Variants in BCAS3 observed in about 807,000 individuals in gnomAD.
The protein encoded by BCAS3 is BCAS4/BCAS3 fusion.
In BCAS3, 53 loss-of-function variants were observed where a neutral mutation model predicts 116.1. The ratio of observed to expected loss-of-function variants is 0.46; its 90% CI spans 0.37 to 0.57. The LOEUF is 0.57. BCAS3 is among the 20% of genes least tolerant of loss of function. The pLI, the probability that BCAS3 is intolerant of heterozygous loss-of-function variation, is 0.00. For synonymous variants in BCAS3, 391 were observed against 408.2 expected, an observed-to-expected ratio of 0.96 and a Z score of 0.51; for missense variants, 917 against 1,165.4, an observed-to-expected ratio of 0.79 and a Z score of 3.10.
At chr17:61,039,862 A>G (rs946282018) in intron 18 of BCAS3, among the ~76,000 whole-genome samples, 1 of 152,208 alleles carries the variant, frequency 6.6e-6, no homozygotes, top group African/African-American at 2.4e-5. Context: ...CCGAAAATAG[A>G]GAGTAACATT....
Position 60,941,840 on chromosome 17 carries a change from T to G in BCAS3, c.1088-5379T>G, listed in dbSNP as rs75459336. Among the ~76,000 whole-genome samples, 1,372 of 152,336 alleles carry G rather than the reference T, an allele frequency of 9.0e-3. 25 individuals are homozygous for G. The highest frequency in any genetic ancestry group is 0.032 in the African/African-American group (1,314 of 41,582). On this transcript the variant is annotated intron_variant, in intron 13 of 23. Coordinates refer to ENST00000407086, the MANE Select transcript of BCAS3 (RefSeq NM_017679.5). ...AGTCTTGATTTGGCAAATGAGGACC[T>G]TTATTTGAATGCTCATTCTACATAA...
rs78520532 is a variant in BCAS3, at chr17:61,169,795, G to T, written c.2425+85231G>T. Reference sequence around the variant, plus strand: ...ATGGGACCATTTTTACTTATCTCATGTAAAATAGATTTTGATCCAATTTCT... The same window carrying T: ...ATGGGACCATTTTTACTTATCTCATTTAAAATAGATTTTGATCCAATTTCT... On this transcript the variant is annotated intron_variant, in intron 22 of 23. Coordinates refer to ENST00000407086, the MANE Select transcript of BCAS3 (RefSeq NM_017679.5). Among the ~76,000 whole-genome samples, 428 of 152,258 alleles carry T rather than the reference G, an allele frequency of 2.8e-3. 4 individuals carry two copies. Among genetic ancestry groups the T allele is most frequent in the African/African-American group, 9.8e-3 (406 of 41,550 alleles).
At chr17:61,382,054 G>A (rs570519855) in intron 23 of BCAS3, among the ~76,000 whole-genome samples, 20 of 152,102 alleles carry the variant, frequency 1.3e-4, no homozygotes, top group Admixed American at 5.9e-4. Context: ...GGGGCCGGGC[G>A]CGGTGGCTCA....
intron 6 of BCAS3, among the ~76,000 whole-genome samples, chr17:60,792,484 G>A (rs990540612): frequency 2.0e-4 from 30 of 152,188 alleles, no homozygotes; most frequent in African/African-American, 6.8e-4. Flanking sequence ...AGGCTGAGTG[G>A]GCCCAGTGGG....
chr17:60,972,067 A>G (rs1220337408), intron 14 of BCAS3, among the ~76,000 whole-genome samples: 2 of 152,186 alleles, frequency 1.3e-5, no homozygotes, highest in Non-Finnish European at 2.9e-5. Flanking sequence ...GGCATATAAT[A>G]TGGGAAGGAA....
At chr17:61,293,201 A>G (rs531493265) in intron 22 of BCAS3, among the ~76,000 whole-genome samples, 1 of 152,318 alleles carries the variant, frequency 6.6e-6, no homozygotes, top group South Asian at 2.1e-4. Flanking sequence ...GGTGGCCCCA[A>G]CTTCATTTGG....
intron 22 of BCAS3, among the ~76,000 whole-genome samples, chr17:61,310,454 T>C (rs534953925): frequency 5.0e-4 from 76 of 151,350 alleles, no homozygotes; most frequent in South Asian, 2.3e-3. Context: ...CCTGGGAGGC[T>C]GAGGCAGGAG....
chr17:61,086,599 G>C, intron 22 of BCAS3: 5 of 736,942 alleles, frequency 6.8e-6, no homozygotes, highest in Non-Finnish European at 8.3e-6. Flanking sequence ...GAGATACACT[G>C]TATGAGTTTC....
chr17:60,792,285 G>T (rs1413516123), intron 6 of BCAS3, among the ~76,000 whole-genome samples: 1 of 152,220 alleles, frequency 6.6e-6, no homozygotes, highest in Non-Finnish European at 1.5e-5. Flanking sequence ...TTCTGAGTTG[G>T]CAGGGCAGGA....
rs115137290 is a variant in BCAS3 at position 61,253,663 on chromosome 17, G to A, written c.2426-114664G>A. Among the ~76,000 whole-genome samples the A allele has an allele frequency of 7.5e-4, 114 of 151,256 alleles. 1 individual carries two copies. The highest frequency in any genetic ancestry group is 2.6e-3 in the African/African-American group (109 of 41,222). On this transcript the variant is annotated intron_variant, in intron 22 of 23. Transcript: ENST00000407086. ...CTGAGTAGAGGGGAAGATGAATCTC[G>A]GATGCCTCTGGGCCAGTGCTTCATA...
At chr17:61,340,124 A>G (rs2057032181) in intron 22 of BCAS3, among the ~76,000 whole-genome samples, 1 of 152,230 alleles carries the variant, frequency 6.6e-6, no homozygotes, top group Non-Finnish European at 1.5e-5. Flanking sequence ...CAGCAAGTCC[A>G]GACATCTCTT....
chr17:61,237,360 A>T (rs948209683), intron 22 of BCAS3, among the ~76,000 whole-genome samples: 8 of 152,372 alleles, frequency 5.3e-5, no homozygotes, highest in East Asian at 1.9e-4. Context: ...AAAGTAGCCA[A>T]TCGCAAGGAG....
intron 23 of BCAS3, among the ~76,000 whole-genome samples, chr17:61,374,918 C>T (rs760549742): frequency 8.5e-5 from 13 of 152,198 alleles, no homozygotes; most frequent in Admixed American, 2.6e-4. Context: ...TGGCAATCTG[C>T]GCTTTGAAAA....
chr17:61,114,615 C>T (rs754151661), intron 22 of BCAS3, among the ~76,000 whole-genome samples: 1,662 of 151,938 alleles, frequency 0.011, 14 homozygotes, highest in South Asian at 0.015. Context: ...GAAGAACATT[C>T]CATGCTCATG....
chr17:61,048,026 A>G (rs1416185466), intron 19 of BCAS3, among the ~76,000 whole-genome samples: 1 of 152,052 alleles, frequency 6.6e-6, no homozygotes, highest in Admixed American at 6.6e-5. Context: ...TAGCTTAGAT[A>G]TACAATAGAA....
intron 22 of BCAS3, among the ~76,000 whole-genome samples, chr17:61,238,896 C>A (rs1274039269): frequency 6.6e-6 from 1 of 152,098 alleles, no homozygotes; most frequent in Non-Finnish European, 1.5e-5. Flanking sequence ...CCTCTCAGGG[C>A]CCTGAGGCTA....
At chr17:60,731,026 A>G (rs2040405763) in intron 5 of BCAS3, among the ~76,000 whole-genome samples, 1 of 152,114 alleles carries the variant, frequency 6.6e-6, no homozygotes, top group African/African-American at 2.4e-5. Context: ...CATGCCTCCC[A>G]CATTCTCCTT....
chr17:61,044,207 G>A (rs563659181), intron 19 of BCAS3, among the ~76,000 whole-genome samples: 2 of 151,842 alleles, frequency 1.3e-5, no homozygotes, highest in South Asian at 4.2e-4. Flanking sequence ...CAGCACTTTC[G>A]GAGACCAAGG....
At chr17:60,830,080 C>T (rs1267198556) in intron 7 of BCAS3, among the ~76,000 whole-genome samples, 2 of 152,290 alleles carry the variant, frequency 1.3e-5, no homozygotes, top group African/African-American at 4.8e-5. Flanking sequence ...CAACCTCTGC[C>T]TCCTGGGTTC....
Sources: allele counts gnomAD v4.1 joint callset (sites outside exome capture counted in the v4.1 genomes callset), GRCh38; gene constraint gnomAD v4.1.1; transcripts MANE v1.5; gene names NCBI Gene and HGNC (gene_info 2026-07-23, HGNC 2026-07-21).